The following OSBPL9 variants were observed in gnomAD, a reference collection of about 807,000 sequenced individuals.
The protein encoded by OSBPL9 is oxysterol-binding protein-related protein 9.
Under a neutral mutation model 106.6 loss-of-function variants are expected in OSBPL9, and 40 were observed. The observed-to-expected ratio is 0.38, with a 90% CI of 0.29 to 0.49. The LOEUF (loss-of-function observed/expected upper bound fraction) is 0.49. OSBPL9 is among the 20% of genes least tolerant of loss of function. OSBPL9 has a pLI of 0.97. For synonymous variants in OSBPL9, 269 were observed against 295.4 expected, an observed-to-expected ratio of 0.91 and a Z score of 0.92; for missense variants, 609 against 887.2, an observed-to-expected ratio of 0.69 and a Z score of 3.98.
chr1:51,759,842 G>A (rs1217414901), intron 9 of OSBPL9: 1 of 152,068 alleles, frequency 6.6e-6, no homozygotes. Flanking sequence ...TCCTCAGAAA[G>A]CAAGCCCTCT....
chr1:51,578,548 G>A (rs141401168), intron 1 of OSBPL9, among the ~76,000 whole-genome samples: 497 of 152,270 alleles, frequency 3.3e-3, no homozygotes, highest in Non-Finnish European at 5.7e-3. Context: ...CCTCATATTA[G>A]AGGTAGGGAA....
intron 15 of OSBPL9, among the ~76,000 whole-genome samples, chr1:51,780,412 G>A (rs1194120599): frequency 6.6e-6 from 1 of 152,168 alleles, no homozygotes; most frequent in African/African-American, 2.4e-5. Flanking sequence ...AAAGACACAT[G>A]CACACACATG....
chr1:51,655,438 CT>C (rs1646762061), intron 2 of OSBPL9, among the ~76,000 whole-genome samples: 1 of 152,240 alleles, frequency 6.6e-6, no homozygotes, highest in South Asian at 2.1e-4. Flanking sequence ...TTGAATCCTT[CT>C]GGTGCTCTGA....
Position 51,587,963 on chromosome 1 carries a change from G to C in OSBPL9, c.-422-10161G>C, listed in dbSNP as rs116808236. On this transcript the variant is annotated intron_variant, in intron 1 of 25. Transcript: ENST00000371714. ...CCTCCTTGGCTTCCCAACTGCTTTT[G>C]ACATTAGCTGTACAACCTTGGGAAA... Among the ~76,000 whole-genome samples the C allele has an allele frequency of 7.1e-3, 1,075 of 152,316 alleles. 7 individuals carry two copies. The highest frequency in any genetic ancestry group is 0.025 in the African/African-American group (1,029 of 41,574).
the OSBPL9 span, among the ~76,000 whole-genome samples, chr1:51,553,972 C>A: frequency 6.6e-6 from 1 of 152,166 alleles, no homozygotes; most frequent in East Asian, 1.9e-4. Flanking sequence ...AGCCACCCCA[C>A]CTGGCCAAAA....
chr1:51,583,245 C>T (rs1426181111), intron 1 of OSBPL9, among the ~76,000 whole-genome samples: 2 of 152,056 alleles, frequency 1.3e-5, no homozygotes, highest in Admixed American at 1.3e-4. Context: ...AGGGAGTCAG[C>T]CACATCCCAG....
In OSBPL9 at chr1:51,720,612, C is replaced by T. The variant is rs528614286; in HGVS notation, c.318+6533C>T. ...TGCTGTGATTACAGGCGTGAGCCAC[C>T]GCGCCTGACTGACCTTTATGTTTCT... On this transcript the variant is annotated intron_variant, in intron 4 of 23. Coordinates refer to ENST00000428468, the MANE Select transcript of OSBPL9 (RefSeq NM_024586.6). Among the ~76,000 whole-genome samples, 227 of 152,084 alleles carry T rather than the reference C, an allele frequency of 1.5e-3. 1 individual carries two copies. The highest frequency in any genetic ancestry group is 5.0e-3 in the African/African-American group (206 of 41,510).
At chr1:51,636,138 C>CCT (rs1481601824) in intron 1 of OSBPL9, among the ~76,000 whole-genome samples, 11 of 143,740 alleles carry the variant, frequency 7.7e-5, no homozygotes, top group Non-Finnish European at 1.5e-4. Flanking sequence ...TTCCTTCCTT[C>CCT]CTCTCTCTCT....
At chr1:51,536,312 T>C in the OSBPL9 span, among the ~76,000 whole-genome samples, 1 of 152,044 alleles carries the variant, frequency 6.6e-6, no homozygotes, top group Non-Finnish European at 1.5e-5. Context: ...TTTCTTTTAA[T>C]TATTATTTTT....
the OSBPL9 span, among the ~76,000 whole-genome samples, chr1:51,563,070 C>T: frequency 6.6e-6 from 1 of 151,992 alleles, no homozygotes; most frequent in Admixed American, 6.6e-5. Flanking sequence ...ATTAGCCAGG[C>T]GTGGTGGCAC....
chr1:51,706,454 ATGTT>A (rs1658555224), intron 3 of OSBPL9, among the ~76,000 whole-genome samples: 1 of 151,924 alleles, frequency 6.6e-6, no homozygotes, highest in South Asian at 2.1e-4. Context: ...CTGTGCCATC[ATGTT>A]TGTGTTGTCT....
At chr1:51,697,420 G>C (rs1656272350) in intron 3 of OSBPL9, among the ~76,000 whole-genome samples, 1 of 147,334 alleles carries the variant, frequency 6.8e-6, no homozygotes, top group South Asian at 2.2e-4. Context: ...ATAACTTTCA[G>C]AGAAAAGGAG....
Position 51,789,089 on chromosome 1 carries a change from C to A in OSBPL9, c.*1300C>A, listed in dbSNP as rs544268728. The A allele has an allele frequency of 1.5e-5, 12 of 796,940 alleles. No homozygotes were observed. Among genetic ancestry groups the A allele is most frequent in the Non-Finnish European group, 2.2e-5 (11 of 493,360 alleles). 49.4% of individuals were successfully genotyped at this position (796,940 alleles called of 1,614,324 possible). ...GTAACCCTGGGTTTATTAGTCTCAA[C>A]AAAGGATAAAAAGTAAATCAAATGC... On this transcript the variant is annotated 3_prime_UTR_variant, in exon 24 of 24. Transcript: ENST00000428468.
At chr1:51,685,704 A>G (rs1035147482) in intron 3 of OSBPL9, among the ~76,000 whole-genome samples, 1 of 152,166 alleles carries the variant, frequency 6.6e-6, no homozygotes, top group African/African-American at 2.4e-5. Flanking sequence ...GGCCCCTACT[A>G]TGATTATCTT....
chr1:51,675,413 T>A (rs1386632060), intron 3 of OSBPL9, among the ~76,000 whole-genome samples: 1 of 152,012 alleles, frequency 6.6e-6, no homozygotes, highest in African/African-American at 2.4e-5. Flanking sequence ...TGAGTGTGTG[T>A]GTGTGTGTGT....
chr1:51,563,799 G>C, the OSBPL9 span: 1 of 152,390 alleles, frequency 6.6e-6, no homozygotes, highest in African/African-American at 2.4e-5. Flanking sequence ...CTGGGGTCCA[G>C]GCTGGGCGTG....
intron 5 of OSBPL9, 127 bp downstream of exon 5, chr1:51,745,758 C>G: frequency 8.4e-7 from 1 of 1,188,680 alleles, no homozygotes; most frequent in South Asian, 2.4e-5. Flanking sequence ...GTTTTTAAAG[C>G]AGACTTAAAA....
intron 1 of OSBPL9, among the ~76,000 whole-genome samples, chr1:51,648,615 C>T (rs1184771485): frequency 6.6e-6 from 1 of 152,062 alleles, no homozygotes. Flanking sequence ...GGGAGAGGGC[C>T]CTGTGCTATT....
intron 4 of OSBPL9, among the ~76,000 whole-genome samples, chr1:51,715,281 G>A (rs565347696): frequency 1.3e-5 from 2 of 152,304 alleles, no homozygotes; most frequent in East Asian, 1.9e-4. Context: ...ATTGAAGTAG[G>A]AAATCTTTAA....
Sources: allele counts gnomAD v4.1 joint callset (sites outside exome capture counted in the v4.1 genomes callset), GRCh38; gene constraint gnomAD v4.1.1; transcripts MANE v1.5; gene names NCBI Gene and HGNC (gene_info 2026-07-23, HGNC 2026-07-21).